The following MTURN variants were observed in gnomAD, a reference collection of about 807,000 sequenced individuals.
MTURN encodes maturin.
In MTURN, 7 loss-of-function variants were observed where a neutral mutation model predicts 14.9. That is an observed-to-expected ratio of 0.47 (90% CI 0.27 to 0.88). The LOEUF is 0.88. Among genes scored for constraint, MTURN ranks in the 40% least tolerant of loss-of-function variants. MTURN has a pLI of 0.14. For synonymous variants in MTURN, 69 were observed against 72.5 expected (o/e 0.95, Z 0.25); for missense variants, 151 against 174.1 (o/e 0.87, Z 0.75).
chr7:30,155,302 T>A (rs1392379223), intron 2 of MTURN, among the ~76,000 whole-genome samples: 2 of 152,226 alleles, frequency 1.3e-5, no homozygotes, highest in African/African-American at 2.4e-5. Flanking sequence ...ATTTTGGAGT[T>A]CCTGGTGGTG....
chr7:30,144,867 A>C (rs150517814), intron 1 of MTURN, among the ~76,000 whole-genome samples: 11 of 149,280 alleles, frequency 7.4e-5, no homozygotes, highest in African/African-American at 2.7e-4. Context: ...CTATCCTGCT[A>C]TCTGGCCGCT....
chr7:30,136,833 A>G (rs1178109343), intron 1 of MTURN, among the ~76,000 whole-genome samples: 3 of 152,184 alleles, frequency 2.0e-5, no homozygotes, highest in African/African-American at 7.2e-5. Flanking sequence ...AGGCGTTCAT[A>G]TAGGTAACGC....
chr7:30,158,458 G>A lies in MTURN; in HGVS notation c.*910G>A, dbSNP rs571454035. The A allele has an allele frequency of 6.6e-6, 1 of 152,040 alleles. No individual in the cohort carries two copies. The highest frequency in any genetic ancestry group is 2.1e-4 in the South Asian group (1 of 4,808). 9.4% of individuals were successfully genotyped at this position (152,040 alleles called of 1,614,324 possible). ...TTAGAAAAGTAAACCAGGATTAAAA[G>A]TTTTTAAAAATATGGTAGAATCCTT... On this transcript the variant is annotated 3_prime_UTR_variant, in exon 3 of 3. Coordinates refer to ENST00000324453, the MANE Select transcript of MTURN (RefSeq NM_152793.3).
intron 1 of MTURN, among the ~76,000 whole-genome samples, chr7:30,141,866 C>T (rs1316977885): frequency 6.6e-6 from 1 of 152,134 alleles, no homozygotes; most frequent in Non-Finnish European, 1.5e-5. Context: ...AAAATGGACT[C>T]CCTCGGTACC....
chr7:30,143,147 C>A (rs1256041192), intron 1 of MTURN, among the ~76,000 whole-genome samples: 1 of 152,130 alleles, frequency 6.6e-6, no homozygotes, highest in East Asian at 1.9e-4. Flanking sequence ...CTGCCCCCAA[C>A]CCCCTGCCTG....
intron 1 of MTURN, among the ~76,000 whole-genome samples, chr7:30,136,782 T>A (rs1796970178): frequency 6.6e-6 from 1 of 152,052 alleles, no homozygotes; most frequent in Non-Finnish European, 1.5e-5. Context: ...CTGAGCTCAG[T>A]TTCCACATCC....
intron 1 of MTURN, among the ~76,000 whole-genome samples, chr7:30,135,837 C>T (rs908245358): frequency 2.6e-5 from 4 of 152,258 alleles, no homozygotes; most frequent in Non-Finnish European, 5.9e-5. Context: ...TCCCCGCCCT[C>T]GCGGGTTAGT....
intron 2 of MTURN, among the ~76,000 whole-genome samples, chr7:30,152,154 CTTTT>C (rs199867190): frequency 1.4e-5 from 2 of 147,866 alleles, no homozygotes; most frequent in African/African-American, 5.0e-5. Flanking sequence ...TTCTTTTTTC[CTTTT>C]TTTTTTTCTC....
Position 30,135,219 on chromosome 7 carries a change from A to AACGCAGGATG in MTURN, c.84_93dup (p.Asp32ThrfsTer31), listed in dbSNP as rs1191806757. The AACGCAGGATG allele has an allele frequency of 6.6e-6, 10 of 1,518,830 alleles. No individual in the cohort carries two copies. The highest frequency in any genetic ancestry group is 8.8e-6 in the Non-Finnish European group (10 of 1,131,974). 94.1% of individuals were successfully genotyped at this position (1,518,830 alleles called of 1,614,324 possible). On this transcript the variant is annotated frameshift_variant, in exon 1 of 3. Transcript: ENST00000324453. LOFTEE classifies it high-confidence loss of function. Reference sequence around the variant, plus strand: ...GAGCTCATCGCCACCGAGGAGACCGAACGCAGGATGGATTTCTACGCCGAC... The same window carrying AACGCAGGATG: ...GAGCTCATCGCCACCGAGGAGACCGAACGCAGGATGACGCAGGATGGATTTCTACGCCGAC...
intron 2 of MTURN, among the ~76,000 whole-genome samples, chr7:30,151,798 C>T (rs752593571): frequency 2.0e-5 from 3 of 152,180 alleles, no homozygotes; most frequent in African/African-American, 4.8e-5. Flanking sequence ...GGCCCAAGTC[C>T]TCTCCTGGGC....
intron 1 of MTURN, chr7:30,141,430 AAAAG>A (rs1277878671): frequency 2.6e-5 from 4 of 151,836 alleles, no homozygotes; most frequent in African/African-American, 7.3e-5. Context: ...AAAAAAAAAA[AAAAG>A]AGAAAAAAAG....
At chr7:30,152,117 A>G (rs542175675) in intron 2 of MTURN, among the ~76,000 whole-genome samples, 2 of 152,162 alleles carry the variant, frequency 1.3e-5, no homozygotes, top group East Asian at 1.9e-4. Context: ...CATAATAAAC[A>G]TGGAATATTG....
At chr7:30,156,983 A>G (rs1797298270) in intron 2 of MTURN, among the ~76,000 whole-genome samples, 1 of 152,204 alleles carries the variant, frequency 6.6e-6, no homozygotes, top group East Asian at 1.9e-4. Context: ...GCTGTTGAAC[A>G]TTTTAGTTGT....
rs1262037498 is a variant in MTURN, at chr7:30,145,814, C to T, written c.163-363C>T. On this transcript the variant is annotated intron_variant, in intron 1 of 2. Coordinates refer to ENST00000324453, the MANE Select transcript of MTURN (RefSeq NM_152793.3). ...AAAGCAAAGTTAAGGATTTTGAAGGCAAAGGCTCTGGTTTCTCCTTCCCCA... is the reference window on the plus strand; with the variant it reads ...AAAGCAAAGTTAAGGATTTTGAAGGTAAAGGCTCTGGTTTCTCCTTCCCCA... 2.6e-6 allele frequency: 4 copies of T among 1,521,564 alleles called. No homozygotes were observed. The Admixed American group carries it at 7.0e-5, about 27-fold the overall frequency. The allele number at this position is 1,521,564 out of a possible 1,614,324, so 94.3% of individuals were successfully genotyped here.
At chr7:30,156,195 G>A (rs975379308) in intron 2 of MTURN, among the ~76,000 whole-genome samples, 1 of 152,260 alleles carries the variant, frequency 6.6e-6, no homozygotes, top group Admixed American at 6.5e-5. Context: ...CCAAAGACCA[G>A]CCAGTGCTTT....
chr7:30,154,658 GCTCTGGC>G (rs1195051246), intron 2 of MTURN, among the ~76,000 whole-genome samples: 1 of 152,176 alleles, frequency 6.6e-6, no homozygotes, highest in Non-Finnish European at 1.5e-5. Context: ...GCTAACTAGA[GCTCTGGC>G]CTCTGGACTC....
rs535966811 is a variant in MTURN, at chr7:30,158,909, T to C, written c.*1361T>C. On this transcript the variant is annotated 3_prime_UTR_variant, in exon 3 of 3. Coordinates refer to ENST00000324453, the MANE Select transcript of MTURN (RefSeq NM_152793.3). ...AACAGTCACACATGTGCCTGTTAGG[T>C]TGTGAAAGTTTTGAATTAAAAACAA... The C allele has an allele frequency of 6.6e-6, 1 of 152,128 alleles. No individual in the cohort carries two copies. Among genetic ancestry groups the C allele is most frequent in the South Asian group, 2.1e-4 (1 of 4,820 alleles). The allele number at this position is 152,128 out of a possible 1,614,324, so 9.4% of individuals were successfully genotyped here.
At chr7:30,145,060 T>G (rs1797109617) in intron 1 of MTURN, among the ~76,000 whole-genome samples, 1 of 151,462 alleles carries the variant, frequency 6.6e-6, no homozygotes, top group African/African-American at 2.4e-5. Context: ...CTTGCTTAGA[T>G]ATGCAGGGCA....
chr7:30,139,850 TG>T (rs1797021670), intron 1 of MTURN, among the ~76,000 whole-genome samples: 1 of 152,188 alleles, frequency 6.6e-6, no homozygotes, highest in Admixed American at 6.5e-5. Context: ...CCCCTCTCTG[TG>T]GGCCCCATGA....
Sources: allele counts gnomAD v4.1 joint callset (sites outside exome capture counted in the v4.1 genomes callset), GRCh38; gene constraint gnomAD v4.1.1; transcripts MANE v1.5; gene names NCBI Gene and HGNC (gene_info 2026-07-23, HGNC 2026-07-21).